The following OSBPL10 variants were observed in gnomAD, a reference collection of about 807,000 sequenced individuals.
OSBPL10 encodes the protein oxysterol-binding protein-related protein 10.
A neutral mutation model predicts 81.7 loss-of-function variants in OSBPL10; 49 were observed. That is an observed-to-expected ratio of 0.60 (90% CI 0.48 to 0.76). OSBPL10 has a LOEUF of 0.76. Among genes scored for constraint, OSBPL10 ranks in the 30% least tolerant of loss-of-function variants. OSBPL10 has a pLI of 0.00. For missense variants in OSBPL10, 923 were observed against 987.8 expected, an observed-to-expected ratio of 0.93 and a Z score of 0.88; for synonymous variants, 419 against 383.6, an observed-to-expected ratio of 1.09 and a Z score of -1.08.
chr3:31,857,715 C>T (rs1018057261), intron 3 of OSBPL10, among the ~76,000 whole-genome samples: 1 of 33,124 alleles, frequency 3.0e-5, no homozygotes, highest in Non-Finnish European at 6.3e-5. Context: ...CTCTTGTTCC[C>T]CTAACAGCAC....
At chr3:31,930,066 G>C (rs1451342127) in intron 1 of OSBPL10, among the ~76,000 whole-genome samples, 2 of 144,542 alleles carry the variant, frequency 1.4e-5, no homozygotes, top group Non-Finnish European at 3.0e-5. Flanking sequence ...AGAACTTTGA[G>C]AAGCCAAGGC....
chr3:31,896,879 T>A (rs1012638007), intron 1 of OSBPL10, among the ~76,000 whole-genome samples: 21 of 152,124 alleles, frequency 1.4e-4, no homozygotes, highest in African/African-American at 4.6e-4. Context: ...GAGTTAAGGG[T>A]CCCTGGTTAC....
At chr3:31,762,453 A>G (rs549388489) in intron 4 of OSBPL10, among the ~76,000 whole-genome samples, 87 of 151,954 alleles carry the variant, frequency 5.7e-4, no homozygotes, top group African/African-American at 2.1e-3. Context: ...TGTCTTGGCC[A>G]CAAGCAAGGC....
At chr3:32,005,788 C>T (rs944595620) in intron 2 of OSBPL10, among the ~76,000 whole-genome samples, 1 of 151,950 alleles carries the variant, frequency 6.6e-6, no homozygotes, top group African/African-American at 2.4e-5. Flanking sequence ...GGGGTTTCAC[C>T]GTGTTAGCCG....
chr3:32,010,446 A>T (rs947396487), intron 2 of OSBPL10, among the ~76,000 whole-genome samples: 2 of 152,184 alleles, frequency 1.3e-5, no homozygotes, highest in Non-Finnish European at 2.9e-5. Context: ...AAGGAATAAA[A>T]GTTAAAAGGG....
At chr3:31,750,301 A>G (rs1203846430) in intron 4 of OSBPL10, among the ~76,000 whole-genome samples, 1 of 152,174 alleles carries the variant, frequency 6.6e-6, no homozygotes, top group Non-Finnish European at 1.5e-5. Context: ...TAATTTCCTT[A>G]TTATATTCAT....
chr3:31,962,364 T>A, intron 1 of OSBPL10, among the ~76,000 whole-genome samples: 1 of 152,188 alleles, frequency 6.6e-6, no homozygotes, highest in East Asian at 1.9e-4. Context: ...ACAATAAAGT[T>A]ATTTCATGGG....
At chr3:31,733,019 G>A in intron 6 of OSBPL10, 1 of 555,852 alleles carries the variant, frequency 1.8e-6, no homozygotes. Context: ...CCATTTCAAT[G>A]AAAATAGGAG....
intron 4 of OSBPL10, among the ~76,000 whole-genome samples, chr3:31,812,987 C>T (rs1699748190): frequency 1.3e-5 from 2 of 151,848 alleles, no homozygotes; most frequent in African/African-American, 4.8e-5. Context: ...TTATTTTATC[C>T]CTTCTAGACA....
intron 4 of OSBPL10, among the ~76,000 whole-genome samples, chr3:31,758,803 C>T (rs1042797934): frequency 1.3e-5 from 2 of 152,188 alleles, no homozygotes; most frequent in African/African-American, 4.8e-5. Context: ...CATGATTCCT[C>T]CTATAGCTTC....
In OSBPL10 at chr3:31,799,837, G is replaced by T. The variant is rs543203740; in HGVS notation, c.729+30203C>A. ...TCCAATTCTTCTGCCTCAGCCTCCT[G>T]AGCTGGGACTACAGGCGCCCACCAC... On this transcript the variant is annotated intron_variant, in intron 4 of 11. Coordinates refer to ENST00000396556, the MANE Select transcript of OSBPL10 (RefSeq NM_017784.5). Among the ~76,000 whole-genome samples the T allele has an allele frequency of 3.9e-5, 6 of 152,180 alleles. No individual in the cohort carries two copies. In the South Asian group the frequency reaches 1.2e-3, roughly 32 times the overall value.
At position 32,026,049 on chromosome 3, in the gene OSBPL10, TA is replaced by T. The variant is rs568752873; in HGVS notation, n.298+20441del. Among the ~76,000 whole-genome samples, 907 of 118,690 alleles carry T rather than the reference TA, an allele frequency of 7.6e-3. 4 individuals carry two copies. Among genetic ancestry groups the T allele is most frequent in the Middle Eastern group, 0.013 (3 of 232 alleles). The allele number at this position is 118,690 out of a possible 152,430, so 77.9% of individuals were successfully genotyped here. ...ATAGATAGATAGATAGATAGATAGA[TA>T]GATAGATGATAGATAGATAGATAGA... On this transcript the variant is annotated intron_variant and non_coding_transcript_variant, in intron 2 of 3. Transcript: ENST00000479173.
chr3:31,820,930 C>T (rs184232566), intron 4 of OSBPL10, among the ~76,000 whole-genome samples: 1 of 152,126 alleles, frequency 6.6e-6, no homozygotes, highest in African/African-American at 2.4e-5. Flanking sequence ...GTGCTAGGTG[C>T]TGTGCTAAGG....
At chr3:31,887,362 A>G (rs1158500319) in intron 1 of OSBPL10, among the ~76,000 whole-genome samples, 1 of 152,188 alleles carries the variant, frequency 6.6e-6, no homozygotes, top group Non-Finnish European at 1.5e-5. Flanking sequence ...AGTGTCCCAT[A>G]TGTTTTTAAA....
In OSBPL10 at chr3:31,828,897, A is replaced by G. The variant is rs1575570890; in HGVS notation, c.729+1143T>C. Among the ~76,000 whole-genome samples, 6 of 152,320 alleles carry G rather than the reference A, an allele frequency of 3.9e-5. No homozygotes were observed. The South Asian group carries it at 1.2e-3, about 32-fold the overall frequency. ...AGTAAGCATTCTACCTGAAAATTCC[A>G]ATAGAATTCTGACTCTCTACTTTTT... On this transcript the variant is annotated intron_variant, in intron 4 of 11. Coordinates refer to ENST00000396556, the MANE Select transcript of OSBPL10 (RefSeq NM_017784.5).
rs920292771 is a variant in OSBPL10, at chr3:32,066,082, G to A, written n.185+11314C>T. On this transcript the variant is annotated intron_variant and non_coding_transcript_variant, in intron 1 of 3. Transcript: ENST00000479173. Reference sequence around the variant, plus strand: ...CAAGGTTGCAGTGAGCAGAGATTGCGCCACTAGACTCCAGCCTGGGCGACA... The same window carrying A: ...CAAGGTTGCAGTGAGCAGAGATTGCACCACTAGACTCCAGCCTGGGCGACA... Among the ~76,000 whole-genome samples the A allele has an allele frequency of 6.1e-5, 5 of 82,488 alleles. 2 individuals are homozygous for A. Among genetic ancestry groups the A allele is most frequent in the Admixed American group, 3.0e-4 (2 of 6,620 alleles). 54.1% of individuals were successfully genotyped at this position (82,488 alleles called of 152,430 possible).
chr3:31,668,240 A>G (rs1035988415), intron 10 of OSBPL10, among the ~76,000 whole-genome samples: 5 of 152,090 alleles, frequency 3.3e-5, no homozygotes, highest in Admixed American at 3.3e-4. Context: ...ATTTTACTAC[A>G]CCTTTCCCAG....
At chr3:31,712,493 C>T (rs1205690129) in intron 6 of OSBPL10, among the ~76,000 whole-genome samples, 9 of 152,206 alleles carry the variant, frequency 5.9e-5, no homozygotes, top group South Asian at 2.1e-4. Context: ...AATCTTTCCA[C>T]GCTGTGGACA....
At chr3:31,890,274 A>G (rs1695855174) in intron 1 of OSBPL10, among the ~76,000 whole-genome samples, 1 of 151,596 alleles carries the variant, frequency 6.6e-6, no homozygotes, top group Non-Finnish European at 1.5e-5. Flanking sequence ...AATGTTATTT[A>G]AGCATTAGCC....
Sources: gnomAD v4.1 joint callset for allele counts (sites outside exome capture counted in the v4.1 genomes callset) on GRCh38, gnomAD v4.1.1 for gene constraint, MANE v1.5 for transcripts, NCBI Gene and HGNC (gene_info 2026-07-23, HGNC 2026-07-21) for gene names.